The following NTAN1 variants were observed in gnomAD, a reference collection of about 807,000 sequenced individuals.
The protein encoded by NTAN1 is N-terminal asparagine amidase.
In NTAN1, 32 loss-of-function variants were observed where a neutral mutation model predicts 41.9. The observed-to-expected ratio is 0.76, with a 90% CI of 0.58 to 1.03. NTAN1 has a LOEUF of 1.03. Among genes scored for constraint, NTAN1 ranks in the 50% least tolerant of loss-of-function variants. The pLI is 0.00. For missense variants in NTAN1, 377 were observed against 377.5 expected (o/e 1.00, Z 0.01); for synonymous variants, 140 against 139.5 (o/e 1.00, Z -0.03).
chr16:15,040,366 C>A (rs1365804958), intron 7 of NTAN1: 18 of 345,016 alleles, frequency 5.2e-5, no homozygotes, highest in East Asian at 3.7e-4. Context: ...CTCTGGTCAT[C>A]CCTACTGGTG....
In NTAN1 at chr16:15,044,399, A is replaced by G. The variant is rs757518432; in HGVS notation, c.368T>C (p.Val123Ala). The change falls in exon 5 of 10, where the codon GTA becomes GCA. Residue 123 changes from valine (V) to alanine (A), a missense_variant. Val to Ala is a moderately conservative substitution (Grantham distance 64). Coordinates refer to ENST00000287706, the MANE Select transcript of NTAN1 (RefSeq NM_173474.4). ...SDHAQCGRLE[V>A]HLVGGFSDDR... Reference sequence around the variant, plus strand: ...GTCACTGAAGCCTCCAACAAGGTGTACTTCCAGCCTGGCAAAGAGATGAGA... The same window carrying G: ...GTCACTGAAGCCTCCAACAAGGTGTGCTTCCAGCCTGGCAAAGAGATGAGA... 6.2e-7 allele frequency: 1 copy of G among 1,612,606 alleles called. No homozygotes were observed. The highest frequency in any genetic ancestry group is 2.2e-5 in the East Asian group (1 of 44,882).
intron 1 of NTAN1, among the ~76,000 whole-genome samples, chr16:15,052,260 A>C (rs539608862): frequency 6.6e-6 from 1 of 152,336 alleles, no homozygotes; most frequent in African/African-American, 2.4e-5. Flanking sequence ...GTGACACCGA[A>C]GTTTTAATTT....
Position 15,047,995 on chromosome 16 carries a change from AC to A in NTAN1, c.184+1del, listed in dbSNP as rs770095105. 2 of 1,608,830 alleles carry A rather than the reference AC, an allele frequency of 1.2e-6. No individual in the cohort carries two copies. Among genetic ancestry groups the A allele is most frequent in the African/African-American group, 2.7e-5 (2 of 74,926 alleles). On this transcript the variant is annotated splice_donor_variant, in intron 2 of 9. Transcript: ENST00000287706. LOFTEE classifies it high-confidence loss of function. ...CGCCCAATTCACTGCTTCCTAACCTACCATCCTTTGGGGAGGTCACTGCAAG... is the reference window on the plus strand; with the variant it reads ...CGCCCAATTCACTGCTTCCTAACCTACATCCTTTGGGGAGGTCACTGCAAG...
At chr16:15,047,630 C>G (rs1028403087) in intron 3 of NTAN1, 80 bp from the exon 4 acceptor site, 1 of 1,078,344 alleles carries the variant, frequency 9.3e-7, no homozygotes, top group Non-Finnish European at 1.4e-6. Flanking sequence ...CCTGTCCCTC[C>G]GGACCGCCTC....
intron 4 of NTAN1, chr16:15,047,077 T>C: frequency 3.7e-6 from 1 of 268,480 alleles, no homozygotes; most frequent in Non-Finnish European, 7.2e-6. Flanking sequence ...AACTACAAGG[T>C]GTAGGTGAGA....
intron 5 of NTAN1, among the ~76,000 whole-genome samples, chr16:15,042,334 C>T (rs185906651): frequency 2.6e-4 from 39 of 151,932 alleles, no homozygotes; most frequent in African/African-American, 8.9e-4. Context: ...TACAGACTTG[C>T]GCCACCATGC....
At position 15,056,015 on chromosome 16, in the gene NTAN1, C is replaced by G. The variant is rs1040561497; in HGVS notation, c.-44G>C. 5 of 1,075,832 alleles carry G rather than the reference C, an allele frequency of 4.6e-6. No homozygotes were observed. The highest frequency in any genetic ancestry group is 4.6e-6 in the Non-Finnish European group (4 of 861,774). The allele number at this position is 1,075,832 out of a possible 1,614,324, so 66.6% of individuals were successfully genotyped here. A position where few individuals can be genotyped will look rare whatever the true frequency, so the allele number is the denominator to read the frequency against. On this transcript the variant is annotated 5_prime_UTR_variant, in exon 1 of 10. Coordinates refer to ENST00000287706, the MANE Select transcript of NTAN1 (RefSeq NM_173474.4). ...GGCAGGCCCAGGGAGGCGGCGGCCC[C>G]CCGCTTTGCAGCCCCGGGCCGCCCG...
At chr16:15,041,286 AG>A (rs1291322593) in intron 6 of NTAN1, among the ~76,000 whole-genome samples, 165 bp from the exon 7 acceptor site, 3 of 152,094 alleles carry the variant, frequency 2.0e-5, no homozygotes, top group Non-Finnish European at 2.9e-5. Context: ...GTCCCAAGGC[AG>A]GGGGGTTTAT....
At chr16:15,040,500 AAATC>A (rs1263230197) in intron 7 of NTAN1, 1 of 176,454 alleles carries the variant, frequency 5.7e-6, no homozygotes, top group Non-Finnish European at 1.2e-5. Context: ...CCACCCAGCT[AAATC>A]AATCAAGTAT....
chr16:15,041,161 AT>A (rs780833885), intron 6 of NTAN1, 40 bp from the exon 7 acceptor site: 1 of 1,210,714 alleles, frequency 8.3e-7, no homozygotes, highest in Non-Finnish European at 1.2e-6. Flanking sequence ...TTTTAAAGAA[AT>A]ACCAAATGAT....
chr16:15,038,365 G>A (rs922126079), intron 9 of NTAN1, 155 bp from the exon 10 acceptor site: 1 of 642,706 alleles, frequency 1.6e-6, no homozygotes, highest in South Asian at 2.1e-5. Flanking sequence ...AAAGTTGATT[G>A]CTTACTGCTT....
Position 15,037,878 on chromosome 16 carries a change from T to G in NTAN1, c.*153A>C. ...TGCCTTTGCCAAAATAAGGTTTTAT[T>G]TTGAAAGTCATTTGATGAAAGTCAT... On this transcript the variant is annotated 3_prime_UTR_variant, in exon 10 of 10. Transcript: ENST00000287706. 1.8e-6 allele frequency: 1 copy of G among 555,432 alleles called. No individual in the cohort carries two copies. The highest frequency in any genetic ancestry group is 3.2e-6 in the Non-Finnish European group (1 of 315,652). The allele number at this position is 555,432 out of a possible 1,614,324, so 34.4% of individuals were successfully genotyped here.
In NTAN1 at chr16:15,053,057, C is replaced by T. The variant is rs138173011; in HGVS notation, c.81+2834G>A. On this transcript the variant is annotated intron_variant, in intron 1 of 9. Transcript: ENST00000287706. ...ACTGTCTCATTAGTAGCCATGCTGTCTGCTCGGCACTTGAAATGTGGCTAC... is the reference window on the plus strand; with the variant it reads ...ACTGTCTCATTAGTAGCCATGCTGTTTGCTCGGCACTTGAAATGTGGCTAC... Among the ~76,000 whole-genome samples, 69 of 152,328 alleles carry T rather than the reference C, an allele frequency of 4.5e-4. No individual in the cohort carries two copies. The East Asian group carries it at 0.013, about 29-fold the overall frequency.
intron 4 of NTAN1, chr16:15,045,458 C>T (rs2044019599): frequency 1.3e-5 from 2 of 149,750 alleles, no homozygotes; most frequent in African/African-American, 4.9e-5. Flanking sequence ...CAGAGCCAGA[C>T]TCTGTCTCAA....
intron 1 of NTAN1, among the ~76,000 whole-genome samples, chr16:15,055,388 GGA>G (rs1043924237): frequency 1.3e-5 from 2 of 152,216 alleles, no homozygotes; most frequent in Admixed American, 6.5e-5. Flanking sequence ...CGGGGGTAGG[GGA>G]GAGAGAGGAG....
chr16:15,040,105 A>T (rs1651856398), intron 7 of NTAN1, 39 bp from the exon 8 acceptor site: 1 of 1,170,552 alleles, frequency 8.5e-7, no homozygotes, highest in Non-Finnish European at 1.3e-6. Flanking sequence ...TTGACAAAAG[A>T]CCAAAGCGGA....
At position 15,039,960 on chromosome 16, in the gene NTAN1, G is replaced by T. The variant is rs201600224; in HGVS notation, c.639+9C>A. ...TTTAACCCCTTAACAAAGATGATTT[G>T]AAACTCACTGGTCCTCCTGCTAAAG... is the stretch of plus-strand genomic sequence containing the variant. On this transcript the variant is annotated intron_variant, in intron 8 of 9. Transcript: ENST00000287706. 2.8e-5 allele frequency: 42 copies of T among 1,498,260 alleles called. No homozygotes were observed. The African/African-American group carries it at 5.0e-4, about 18-fold the overall frequency. The allele number at this position is 1,498,260 out of a possible 1,614,324, so 92.8% of individuals were successfully genotyped here.
Position 15,038,074 on chromosome 16 carries a change from T to G in NTAN1, c.890A>C (p.Asn297Thr). ...SGNKALLYKK[N>T]EDGLWEKISS... ...GATCTTTTCCCACAAGCCATCTTCA[T>G]TTTTTTTGTAGAGTAGGGCTTTATT... The change falls in exon 10 of 10, where the codon AAT (asparagine) becomes ACT (threonine). Residue 297 changes from asparagine (N) to threonine (T), a missense_variant. Transcript: ENST00000287706. The G allele has an allele frequency of 6.2e-7, 1 of 1,600,022 alleles. No homozygotes were observed. The highest frequency in any genetic ancestry group is 1.3e-5 in the African/African-American group (1 of 74,604).
At chr16:15,044,581 G>T (rs1201356211) in intron 4 of NTAN1, 174 bp from the exon 5 acceptor site, 1 of 607,962 alleles carries the variant, frequency 1.6e-6, no homozygotes, top group Non-Finnish European at 2.9e-6. Context: ...AAGGCCAGTG[G>T]CGAGCTTCTG....
Sources: allele counts gnomAD v4.1 joint callset (sites outside exome capture counted in the v4.1 genomes callset), GRCh38; gene constraint gnomAD v4.1.1; transcripts MANE v1.5; gene names NCBI Gene and HGNC (gene_info 2026-07-23, HGNC 2026-07-21).